Variants in GNG7 observed in about 807,000 individuals in gnomAD.
The protein encoded by GNG7 is G protein subunit gamma 7.
GNG7 carries 1 observed loss-of-function variant against 4.0 expected under a neutral mutation model. That is an observed-to-expected ratio of 0.25 (90% CI 0.09 to 1.18). The LOEUF (loss-of-function observed/expected upper bound fraction) is 1.18, where lower values mean the gene tolerates loss of function less well. GNG7 is among the 50% of genes most tolerant of loss of function. The pLI, the probability that GNG7 is intolerant of heterozygous loss-of-function variation, is 0.50. For synonymous variants in GNG7, 34 were observed against 36.9 expected (o/e 0.92, Z 0.29); for missense variants, 86 against 91.9 (o/e 0.94, Z 0.26).
chr19:2,548,830 C>G (rs930950370), intron 3 of GNG7, among the ~76,000 whole-genome samples: 1 of 150,968 alleles, frequency 6.6e-6, no homozygotes, highest in Non-Finnish European at 1.5e-5. Context: ...ACAGCGACAA[C>G]CCCCTCTCAA....
chr19:2,520,796 C>CT lies in GNG7; in HGVS notation c.-37-72_-37-71insA, dbSNP rs1216043426. The CT allele has an allele frequency of 8.8e-6, 6 of 680,030 alleles. No individual in the cohort carries two copies. In the African/African-American group the frequency reaches 8.9e-5, roughly 10 times the overall value. 42.1% of individuals were successfully genotyped at this position (680,030 alleles called of 1,614,324 possible). On this transcript the variant is annotated intron_variant, in intron 3 of 4. Transcript: ENST00000382159. The stretch of plus-strand genomic sequence containing the variant: ...TCTGGGTGGCAGCAGGGGCGCCCGG[C>CT]CTTGGCTCAACCTTCCCGACTCTAG...
chr19:2,565,515 A>AG (rs1247396940), intron 2 of GNG7, among the ~76,000 whole-genome samples: 1 of 141,330 alleles, frequency 7.1e-6, no homozygotes, highest in East Asian at 1.9e-4. Context: ...CTGTCTCAAA[A>AG]AAAAAAAAAC....
chr19:2,693,053 G>A (rs1913170723), intron 1 of GNG7, among the ~76,000 whole-genome samples: 1 of 151,852 alleles, frequency 6.6e-6, no homozygotes, highest in African/African-American at 2.4e-5. Context: ...CACTTTGGGA[G>A]TCTGAAGTGG....
intron 2 of GNG7, among the ~76,000 whole-genome samples, chr19:2,594,643 T>C (rs1371972248): frequency 2.6e-5 from 4 of 152,114 alleles, no homozygotes; most frequent in South Asian, 4.1e-4. Context: ...CAAGACATCA[T>C]ATGACTTTGC....
intron 1 of GNG7, among the ~76,000 whole-genome samples, chr19:2,671,082 C>G (rs1983440485): frequency 6.6e-6 from 1 of 151,336 alleles, no homozygotes; most frequent in Admixed American, 6.6e-5. Context: ...GTCTCTCCCC[C>G]TTGGAATTCA....
chr19:2,654,345 G>A (rs2144869951), intron 1 of GNG7, among the ~76,000 whole-genome samples: 1 of 148,442 alleles, frequency 6.7e-6, no homozygotes, highest in Admixed American at 6.7e-5. Flanking sequence ...CAACCCCCAG[G>A]CACTATGGAC....
In GNG7 at chr19:2,618,596, G is replaced by A. The variant is rs59670894; in HGVS notation, c.-78+27628C>T. 6.6e-6 allele frequency among the ~76,000 whole-genome samples: 1 copy of A among 151,748 alleles called. No individual in the cohort carries two copies. Among genetic ancestry groups the A allele is most frequent in the East Asian group, 1.9e-4 (1 of 5,152 alleles). Reference sequence around the variant, plus strand: ...ACTCCTGACCTCAAATGATCCACCCGCCTCGGCCTCCCAAAGTGCTGGGAT... The same window carrying A: ...ACTCCTGACCTCAAATGATCCACCCACCTCGGCCTCCCAAAGTGCTGGGAT... On this transcript the variant is annotated intron_variant, in intron 2 of 4. Coordinates refer to ENST00000382159, the MANE Select transcript of GNG7 (RefSeq NM_052847.3). The surrounding 1 kb of genome is among the most constrained non-coding windows in gnomAD (Gnocchi z 5.1).
intron 2 of GNG7, among the ~76,000 whole-genome samples, chr19:2,581,194 G>C (rs770163973): frequency 3.3e-5 from 5 of 151,948 alleles, no homozygotes; most frequent in African/African-American, 1.2e-4. Context: ...AAGTGCCTTC[G>C]CCGCAGGCCC....
intron 2 of GNG7, among the ~76,000 whole-genome samples, chr19:2,565,098 A>C (rs1979859518): frequency 6.6e-6 from 1 of 152,240 alleles, no homozygotes; most frequent in Non-Finnish European, 1.5e-5. Flanking sequence ...CCATGACAAC[A>C]GAAGACCCTG....
chr19:2,667,637 G>T (rs144022600), intron 1 of GNG7, among the ~76,000 whole-genome samples: 1 of 152,132 alleles, frequency 6.6e-6, no homozygotes, highest in East Asian at 1.9e-4. Flanking sequence ...AAAGTAGGCC[G>T]AGCGCAATGG....
At chr19:2,553,930 T>C (rs1380527006) in intron 3 of GNG7, among the ~76,000 whole-genome samples, 1 of 137,644 alleles carries the variant, frequency 7.3e-6, no homozygotes, top group African/African-American at 2.8e-5. Context: ...ATGTAATATA[T>C]TGTATGTAAT....
chr19:2,534,865 A>C (rs1324047561), intron 3 of GNG7, among the ~76,000 whole-genome samples: 1 of 152,186 alleles, frequency 6.6e-6, no homozygotes, highest in Admixed American at 6.6e-5. Context: ...AGGAGGAATT[A>C]TCTCTTACTT....
chr19:2,636,711 C>G (rs1032703645), intron 2 of GNG7, among the ~76,000 whole-genome samples: 3 of 152,122 alleles, frequency 2.0e-5, no homozygotes, highest in Non-Finnish European at 4.4e-5. Context: ...CCCACAGGGG[C>G]CCCTAGGGCA....
At position 2,657,348 on chromosome 19, in the gene GNG7, AAAAAAAAAAAAAAATATATATAT is replaced by A. The variant is rs1406412387; in HGVS notation, c.-134-11091_-134-11069del. ...GACCCCGTCTCAATTAAAAAAAAAA[AAAAAAAAAAAAAAATATATATAT>A]ATATATATATATATATATATATATA... is the stretch of plus-strand genomic sequence containing the variant. On this transcript the variant is annotated intron_variant, in intron 1 of 4. Coordinates refer to ENST00000382159, the MANE Select transcript of GNG7 (RefSeq NM_052847.3). Among the ~76,000 whole-genome samples the A allele has an allele frequency of 7.3e-5, 3 of 41,102 alleles. 1 individual carries two copies. Among genetic ancestry groups the A allele is most frequent in the Admixed American group, 3.3e-4 (1 of 3,058 alleles). The allele number at this position is 41,102 out of a possible 152,430, so 27.0% of individuals were successfully genotyped here.
chr19:2,702,432 C>T (rs1014373697), intron 1 of GNG7, among the ~76,000 whole-genome samples: 37 of 150,108 alleles, frequency 2.5e-4, no homozygotes, highest in African/African-American at 9.1e-4. Context: ...AACCCCAGCC[C>T]CTCCCCAGCT....
chr19:2,557,536 G>A lies in GNG7; in HGVS notation c.-77-2348C>T, dbSNP rs1168496391. Among the ~76,000 whole-genome samples the A allele has an allele frequency of 6.6e-6, 1 of 152,214 alleles. No individual in the cohort carries two copies. The highest frequency in any genetic ancestry group is 1.5e-5 in the Non-Finnish European group (1 of 68,040). On this transcript the variant is annotated intron_variant, in intron 2 of 4. Coordinates refer to ENST00000382159, the MANE Select transcript of GNG7 (RefSeq NM_052847.3). The surrounding 1 kb of genome is among the most constrained non-coding windows in gnomAD (Gnocchi z 5.1). Reference sequence around the variant, plus strand: ...ACAAAAGACTCAGAGGCTCCGCCTGGCCGGGTCAGCGAATGGAGTTGTAGC... The same window carrying A: ...ACAAAAGACTCAGAGGCTCCGCCTGACCGGGTCAGCGAATGGAGTTGTAGC...
chr19:2,681,627 T>C (rs1983738514), intron 1 of GNG7, among the ~76,000 whole-genome samples: 2 of 152,122 alleles, frequency 1.3e-5, no homozygotes, highest in South Asian at 4.1e-4. Flanking sequence ...TAGGTGTACG[T>C]CTAGGAGTCA....
At chr19:2,624,554 A>T (rs1258192117) in intron 2 of GNG7, among the ~76,000 whole-genome samples, 1 of 151,472 alleles carries the variant, frequency 6.6e-6, no homozygotes, top group Non-Finnish European at 1.5e-5. Flanking sequence ...AAAGAAAAAG[A>T]AAAAAAGAAA....
chr19:2,701,677 C>T (rs1913404251), intron 1 of GNG7, among the ~76,000 whole-genome samples: 2 of 150,396 alleles, frequency 1.3e-5, no homozygotes, highest in Admixed American at 1.3e-4. Context: ...AGCCCCCTCT[C>T]CAATGAACCC....
Sources: gnomAD v4.1 joint callset for allele counts (sites outside exome capture counted in the v4.1 genomes callset) on GRCh38, gnomAD v4.1.1 for gene constraint, Gnocchi (gnomAD v3.1) non-coding constraint, MANE v1.5 for transcripts, NCBI Gene and HGNC (gene_info 2026-07-23, HGNC 2026-07-21) for gene names.